The following SPECC1L variants were observed in gnomAD, a reference collection of about 807,000 sequenced individuals.
The protein encoded by SPECC1L is cytospin-A.
Under a neutral mutation model 116.8 loss-of-function variants are expected in SPECC1L, and 40 were observed. The observed-to-expected ratio is 0.34, with a 90% CI of 0.27 to 0.45. The LOEUF is 0.45. Among genes scored for constraint, SPECC1L ranks in the 20% least tolerant of loss-of-function variants. The probability of loss-of-function intolerance (pLI) is 1.00; values close to 1 mark genes in which losing one functional copy is unlikely to be tolerated. For synonymous variants in SPECC1L, 504 were observed against 500.6 expected, an observed-to-expected ratio of 1.01 and a Z score of -0.09; for missense variants, 1,110 against 1,373.6, an observed-to-expected ratio of 0.81 and a Z score of 3.03.
At chr22:24,275,473 A>G (rs548923764) in intron 1 of SPECC1L, among the ~76,000 whole-genome samples, 124 of 151,664 alleles carry the variant, frequency 8.2e-4, no homozygotes, top group Non-Finnish European at 1.2e-3. Context: ...CCAGGTAGGC[A>G]TCATTTTTAT....
chr22:24,314,210 A>G (rs1460021118), intron 4 of SPECC1L, among the ~76,000 whole-genome samples: 2 of 151,450 alleles, frequency 1.3e-5, no homozygotes, highest in Admixed American at 6.6e-5. Context: ...AAGCCCAGCT[A>G]GTTTTGTTTT....
At chr22:24,392,135 C>G (rs963401818) in intron 14 of SPECC1L, among the ~76,000 whole-genome samples, 1 of 152,210 alleles carries the variant, frequency 6.6e-6, no homozygotes, top group Non-Finnish European at 1.5e-5. Flanking sequence ...CAGCCCCAGG[C>G]TCTTTCCACT....
At chr22:24,354,278 C>T (rs1466186943) in intron 11 of SPECC1L, among the ~76,000 whole-genome samples, 28 of 152,208 alleles carry the variant, frequency 1.8e-4, no homozygotes, top group Admixed American at 1.8e-3. Context: ...CCTTCTTAAA[C>T]TTTCTCTCAC....
rs2040740893 is a variant in SPECC1L, at chr22:24,322,467, T to C, written c.1487T>C (p.Met496Thr). ...TATATGGAATTAGAGCAACGTTACA[T>C]GGACCTCGCTGAGAATGCCCGTTTT... ...GRYMELEQRY[M>T]DLAENARFER... Residue 496 changes from methionine to threonine, a missense_variant, in exon 5 of 17, where the codon ATG becomes ACG. This residue lies in a region of SPECC1L where 575 missense variants were observed against 682.4 expected (regional missense o/e 0.84). Transcript: ENST00000314328. 1 of 1,614,086 alleles carries C rather than the reference T, an allele frequency of 6.2e-7. No individual in the cohort carries two copies. Among genetic ancestry groups the C allele is most frequent in the African/African-American group, 1.3e-5 (1 of 74,930 alleles).
chr22:24,286,048 G>C (rs565199039), intron 2 of SPECC1L, among the ~76,000 whole-genome samples: 2 of 152,348 alleles, frequency 1.3e-5, no homozygotes, highest in South Asian at 4.1e-4. Flanking sequence ...CAGTAAATCA[G>C]ATTCGACAGG....
chr22:24,362,866 A>G (rs1410375759), intron 11 of SPECC1L, among the ~76,000 whole-genome samples: 4 of 152,184 alleles, frequency 2.6e-5, no homozygotes, highest in African/African-American at 7.2e-5. Flanking sequence ...CTGTGGTTGT[A>G]TATATTAATG....
At chr22:24,277,086 C>A (rs1254715971) in intron 2 of SPECC1L, among the ~76,000 whole-genome samples, 2 of 152,200 alleles carry the variant, frequency 1.3e-5, no homozygotes, top group Non-Finnish European at 2.9e-5. Flanking sequence ...GCTTCGTCTC[C>A]CCCATTACAA....
chr22:24,398,787 C>A (rs2042414468), intron 14 of SPECC1L, among the ~76,000 whole-genome samples: 1 of 152,152 alleles, frequency 6.6e-6, no homozygotes, highest in African/African-American at 2.4e-5. Context: ...TCCAGTTCCC[C>A]TAAAGAGGCC....
chr22:24,388,285 A>G (rs2042200309), intron 14 of SPECC1L, among the ~76,000 whole-genome samples: 1 of 122,524 alleles, frequency 8.2e-6, no homozygotes, highest in South Asian at 2.5e-4. Context: ...TCCTGTGTCC[A>G]TGTGTTCTCA....
chr22:24,293,321 T>C (rs1158902524), intron 2 of SPECC1L, among the ~76,000 whole-genome samples: 3 of 151,982 alleles, frequency 2.0e-5, no homozygotes, highest in Admixed American at 6.6e-5. Context: ...GGCGTGGTGG[T>C]ACGCACCTGT....
Position 24,355,590 on chromosome 22 carries a change from T to G in SPECC1L, c.2744-7671T>G, listed in dbSNP as rs535398382. Among the ~76,000 whole-genome samples, 2 of 152,312 alleles carry G rather than the reference T, an allele frequency of 1.3e-5. 1 individual carries two copies. The highest frequency in any genetic ancestry group is 4.1e-4 in the South Asian group (2 of 4,828). The stretch of plus-strand genomic sequence containing the variant: ...CACCAATGGGTTCATTCCAGAATTT[T>G]CCCTTCCCTTACTTATAACTTCTTT... On this transcript the variant is annotated intron_variant, in intron 11 of 16. Coordinates refer to ENST00000314328, the MANE Select transcript of SPECC1L (RefSeq NM_015330.6).
chr22:24,291,823 T>TA (rs1490964291), intron 2 of SPECC1L, among the ~76,000 whole-genome samples: 1 of 152,210 alleles, frequency 6.6e-6, no homozygotes, highest in East Asian at 1.9e-4. Flanking sequence ...TATAGAAGGA[T>TA]ACAGATTTGA....
Position 24,275,133 on chromosome 22 carries a change from T to C in SPECC1L, c.-141-1567T>C, listed in dbSNP as rs542094506. ...CCTCCTGCAGACTTGTCTGGCACCCTGTGCATTTGGGATTTGGCACACTAT... is the reference window on the plus strand; with the variant it reads ...CCTCCTGCAGACTTGTCTGGCACCCCGTGCATTTGGGATTTGGCACACTAT... On this transcript the variant is annotated intron_variant, in intron 1 of 16. Coordinates refer to ENST00000314328, the MANE Select transcript of SPECC1L (RefSeq NM_015330.6). 3.3e-5 allele frequency among the ~76,000 whole-genome samples: 5 copies of C among 152,378 alleles called. No individual in the cohort carries two copies. In the East Asian group the frequency reaches 7.7e-4, roughly 24 times the overall value.
chr22:24,315,619 T>G (rs1270018306), intron 4 of SPECC1L, among the ~76,000 whole-genome samples: 1 of 152,246 alleles, frequency 6.6e-6, no homozygotes, highest in East Asian at 1.9e-4. Flanking sequence ...TCCATGTGTT[T>G]GTATACTTAG....
intron 11 of SPECC1L, among the ~76,000 whole-genome samples, chr22:24,350,581 G>A (rs2041401624): frequency 6.6e-6 from 1 of 152,172 alleles, no homozygotes; most frequent in South Asian, 2.1e-4. Flanking sequence ...GATTTTAGAC[G>A]CCTGAGTTGC....
chr22:24,353,731 G>A (rs1601597134), intron 11 of SPECC1L, among the ~76,000 whole-genome samples: 1 of 152,084 alleles, frequency 6.6e-6, no homozygotes, highest in East Asian at 1.9e-4. Context: ...TAATGGAAGG[G>A]ATACTGCAGA....
intron 14 of SPECC1L, among the ~76,000 whole-genome samples, chr22:24,398,213 CAG>C (rs1053617972): frequency 1.4e-4 from 22 of 152,232 alleles, no homozygotes; most frequent in South Asian, 2.1e-4. Flanking sequence ...AACACCATCT[CAG>C]GGGCAAAGAG....
In SPECC1L at chr22:24,414,801, C is replaced by G. The variant is rs1281963621; in HGVS notation, c.*178C>G. ...AAGAACTCAGCCGTGTGGCCCACAG[C>G]TCCCACCAGGGCCCCTCCCACATGA... On this transcript the variant is annotated 3_prime_UTR_variant, in exon 17 of 17. Transcript: ENST00000314328. The G allele has an allele frequency of 3.1e-6, 2 of 635,130 alleles. No homozygotes were observed. Among genetic ancestry groups the G allele is most frequent in the South Asian group, 1.7e-5 (1 of 57,192 alleles). 39.3% of individuals were successfully genotyped at this position (635,130 alleles called of 1,614,324 possible).
At chr22:24,336,518 A>G (rs1003322631) in intron 9 of SPECC1L, among the ~76,000 whole-genome samples, 4 of 152,072 alleles carry the variant, frequency 2.6e-5, no homozygotes, top group African/African-American at 9.7e-5. Flanking sequence ...GTAACATGCT[A>G]TCACCACACC....
Sources: gnomAD v4.1 joint callset for allele counts (sites outside exome capture counted in the v4.1 genomes callset) on GRCh38, gnomAD v4.1.1 for gene constraint, gnomAD v4.1.1 regional missense constraint, MANE v1.5 for transcripts, NCBI Gene and HGNC (gene_info 2026-07-23, HGNC 2026-07-21) for gene names.